ELP3: variants seen among roughly 807,000 people sequenced by gnomAD.
The protein encoded by ELP3 is elongator acetyltransferase complex subunit 3, also known as elongator complex protein 3.
ELP3 carries 56 observed loss-of-function variants against 74.9 expected under a neutral mutation model. The ratio of observed to expected loss-of-function variants is 0.75; its 90% confidence interval spans 0.60 to 0.93. ELP3 has a LOEUF of 0.93. ELP3 is among the 40% of genes least tolerant of loss of function. The pLI is 0.00. For missense variants in ELP3, 573 were observed against 686.5 expected (o/e 0.83, Z 1.85); for synonymous variants, 222 against 239.8 (o/e 0.93, Z 0.68).
chr8:28,103,423 G>T (rs1811569476), intron 3 of ELP3, among the ~76,000 whole-genome samples: 1 of 151,946 alleles, frequency 6.6e-6, no homozygotes, highest in Non-Finnish European at 1.5e-5. Context: ...ATAATCCATT[G>T]TACGGATGTA....
chr8:28,173,851 T>C (rs1364224413), intron 14 of ELP3, among the ~76,000 whole-genome samples: 1 of 152,090 alleles, frequency 6.6e-6, no homozygotes, highest in Non-Finnish European at 1.5e-5. Context: ...TTGTGATTTC[T>C]TCTTTAGCCC....
chr8:28,159,637 G>A (rs1813987176), intron 12 of ELP3, among the ~76,000 whole-genome samples: 1 of 152,162 alleles, frequency 6.6e-6, no homozygotes, highest in African/African-American at 2.4e-5. Context: ...CTACCACAAA[G>A]CTTCCCCCCA....
At chr8:28,161,919 A>AAT in intron 13 of ELP3, 78 bp from the exon 14 acceptor site, 1 of 1,414,082 alleles carries the variant, frequency 7.1e-7, no homozygotes, top group Non-Finnish European at 9.9e-7. Context: ...TAAAGTATAT[A>AAT]GCCTTCTTGT....
chr8:28,128,007 T>C (rs1193310285), intron 7 of ELP3, among the ~76,000 whole-genome samples: 3 of 152,194 alleles, frequency 2.0e-5, no homozygotes, highest in Non-Finnish European at 2.9e-5. Context: ...ATGGAATTAG[T>C]TACAAAAATT....
chr8:28,142,298 G>A (rs1739155611), intron 10 of ELP3, among the ~76,000 whole-genome samples: 1 of 152,192 alleles, frequency 6.6e-6, no homozygotes, highest in African/African-American at 2.4e-5. Flanking sequence ...GCTGTTCTCA[G>A]TTCTTCTGAT....
At position 28,153,741 on chromosome 8, in the gene ELP3, ACT is replaced by A. The variant is rs1813724255; in HGVS notation, c.1101-2198_1101-2197del. ...CCTCTGAGTCCATTCTACAAAGGAG[ACT>A]CTTAAAAACCGTGTTTTCTACCTAT... On this transcript the variant is annotated intron_variant, in intron 10 of 14. Coordinates refer to ENST00000256398, the MANE Select transcript of ELP3 (RefSeq NM_018091.6). Among the ~76,000 whole-genome samples, 4 of 151,910 alleles carry A rather than the reference ACT, an allele frequency of 2.6e-5. No homozygotes were observed. In the South Asian group the frequency reaches 8.3e-4, roughly 32 times the overall value.
chr8:28,163,214 G>A (rs1366216906), intron 14 of ELP3, among the ~76,000 whole-genome samples: 1 of 152,132 alleles, frequency 6.6e-6, no homozygotes, highest in African/African-American at 2.4e-5. Flanking sequence ...AGAAATCGCT[G>A]TTCCCATAAG....
chr8:28,143,767 G>C (rs1469003613), intron 10 of ELP3, among the ~76,000 whole-genome samples: 1 of 152,162 alleles, frequency 6.6e-6, no homozygotes, highest in Non-Finnish European at 1.5e-5. Context: ...TAATCTCTTA[G>C]AGTAGTATAA....
chr8:28,185,730 C>T (rs545804594), intron 14 of ELP3, among the ~76,000 whole-genome samples: 3 of 152,200 alleles, frequency 2.0e-5, no homozygotes, highest in South Asian at 2.1e-4. Flanking sequence ...GCTGAGCCCG[C>T]GTGGTGATGC....
Position 28,147,626 on chromosome 8 carries a change from T to C in ELP3, c.1101-8316T>C, listed in dbSNP as rs1187660278. 6.6e-6 allele frequency among the ~76,000 whole-genome samples: 1 copy of C among 152,232 alleles called. No individual in the cohort carries two copies. Among genetic ancestry groups the C allele is most frequent in the African/African-American group, 2.4e-5 (1 of 41,470 alleles). ...GCGTGTATGTTTATATATATAAATATATGTCTCTCTCTGTGTGTGTATGTG... is the reference window on the plus strand; with the variant it reads ...GCGTGTATGTTTATATATATAAATACATGTCTCTCTCTGTGTGTGTATGTG... On this transcript the variant is annotated intron_variant, in intron 10 of 14. Coordinates refer to ENST00000256398, the MANE Select transcript of ELP3 (RefSeq NM_018091.6). The surrounding 1 kb of genome is among the most constrained non-coding windows in gnomAD (Gnocchi z 4.5).
In ELP3 at chr8:28,110,628, T is replaced by C. The variant is rs139973458; in HGVS notation, c.462+190T>C. 7.4e-4 allele frequency: 401 copies of C among 542,278 alleles called. 4 individuals carry two copies. In the East Asian group the frequency reaches 0.01, roughly 14 times the overall value. 33.6% of individuals were successfully genotyped at this position (542,278 alleles called of 1,614,324 possible). ...GCAAGGTCAAAAACACTACTTTCTT[T>C]AAAGACTGTATTTATTGTTTAAGGG... is the stretch of plus-strand genomic sequence containing the variant. On this transcript the variant is annotated intron_variant, in intron 6 of 14. Coordinates refer to ENST00000256398, the MANE Select transcript of ELP3 (RefSeq NM_018091.6).
intron 14 of ELP3, among the ~76,000 whole-genome samples, chr8:28,167,269 C>T (rs181974988): frequency 1.1e-4 from 17 of 152,242 alleles, no homozygotes; most frequent in Admixed American, 5.2e-4. Flanking sequence ...AGTGTACCTG[C>T]GCCTTATACA....
At chr8:28,173,813 A>G (rs1814632150) in intron 14 of ELP3, among the ~76,000 whole-genome samples, 1 of 151,536 alleles carries the variant, frequency 6.6e-6, no homozygotes, top group Non-Finnish European at 1.5e-5. Context: ...TTTGTCTTTC[A>G]TTTGCTGAAG....
intron 1 of ELP3, 36 bp from the exon 2 acceptor site, chr8:28,097,183 T>TA: frequency 7.1e-7 from 1 of 1,407,358 alleles, no homozygotes; most frequent in Non-Finnish European, 9.9e-7. Flanking sequence ...GATTGAATGA[T>TA]ACGATTTTTG....
In ELP3 at chr8:28,093,197, T is replaced by C; in HGVS notation, c.-18T>C. ...GCTGCATTTTTATCTCTGGTGGCTC[T>C]GCTACGGCGGCGCAGAAATGAGGCA... On this transcript the variant is annotated 5_prime_UTR_variant, in exon 1 of 15. Coordinates refer to ENST00000256398, the MANE Select transcript of ELP3 (RefSeq NM_018091.6). The C allele has an allele frequency of 1.2e-6, 2 of 1,612,768 alleles. No homozygotes were observed. The highest frequency in any genetic ancestry group is 1.3e-5 in the African/African-American group (1 of 75,028).
At chr8:28,183,210 G>T (rs1285151458) in intron 14 of ELP3, 4 of 462,200 alleles carry the variant, frequency 8.7e-6, no homozygotes, top group African/African-American at 7.9e-5. Flanking sequence ...ATGTCCTGGG[G>T]CAGAGGCAGA....
chr8:28,103,713 C>T (rs148342910), intron 3 of ELP3, among the ~76,000 whole-genome samples: 259 of 152,268 alleles, frequency 1.7e-3, no homozygotes, highest in African/African-American at 6.2e-3. Context: ...TTGGAGATGT[C>T]GGTGTTTTGG....
intron 8 of ELP3, among the ~76,000 whole-genome samples, chr8:28,131,283 TAGAC>T (rs1270747620): frequency 6.6e-6 from 1 of 152,202 alleles, no homozygotes; most frequent in East Asian, 1.9e-4. Flanking sequence ...GGCTAGGCAA[TAGAC>T]AGTTCAGCAG....
intron 14 of ELP3, among the ~76,000 whole-genome samples, chr8:28,177,023 C>T (rs1814786229): frequency 6.6e-6 from 1 of 152,188 alleles, no homozygotes; most frequent in South Asian, 2.1e-4. Flanking sequence ...TTCTGTATAC[C>T]TCCTTTGTAA....
Sources: allele counts gnomAD v4.1 joint callset (sites outside exome capture counted in the v4.1 genomes callset), GRCh38; gene constraint gnomAD v4.1.1; non-coding constraint Gnocchi (gnomAD v3.1); transcripts MANE v1.5; gene names NCBI Gene and HGNC (gene_info 2026-07-23, HGNC 2026-07-21).